Variants in GRIA4 observed in about 807,000 individuals in gnomAD.
GRIA4 encodes glutamate ionotropic receptor AMPA type subunit 4.
Under a neutral mutation model 104.0 loss-of-function variants are expected in GRIA4, and 34 were observed. The ratio of observed to expected loss-of-function variants is 0.33; its 90% CI spans 0.25 to 0.44. The LOEUF (loss-of-function observed/expected upper bound fraction) is 0.44, where lower values mean the gene tolerates loss of function less well. Ranked by LOEUF, GRIA4 falls within the 20% of genes least tolerant of loss-of-function variation. GRIA4 has a pLI of 1.00. For missense variants in GRIA4, 750 were observed against 1,096.5 expected, an observed-to-expected ratio of 0.68 and a Z score of 4.46; for synonymous variants, 386 against 381.9, an observed-to-expected ratio of 1.01 and a Z score of -0.13.
At chr11:105,637,890 G>C (rs984856044) in intron 3 of GRIA4, among the ~76,000 whole-genome samples, 3 of 152,154 alleles carry the variant, frequency 2.0e-5, no homozygotes, top group African/African-American at 7.2e-5. Flanking sequence ...TATCACCGAT[G>C]AAAAACTGGT....
chr11:105,794,489 A>ATATATG (rs1656921842), intron 4 of GRIA4, among the ~76,000 whole-genome samples: 1 of 114,066 alleles, frequency 8.8e-6, no homozygotes, highest in African/African-American at 3.6e-5. Context: ...ATATATATAT[A>ATATATG]TATATATATA....
chr11:105,858,869 A>G (rs1159808699), intron 4 of GRIA4, among the ~76,000 whole-genome samples: 1 of 152,158 alleles, frequency 6.6e-6, no homozygotes, highest in Admixed American at 6.5e-5. Flanking sequence ...TTTTCAGTAA[A>G]TTATATAGAA....
intron 14 of GRIA4, among the ~76,000 whole-genome samples, chr11:105,963,095 C>T (rs677315): frequency 0.65 from 98,348 of 151,844 alleles, 31,872 homozygotes; most frequent in Middle Eastern, 0.72. Context: ...GCTTTCTACA[C>T]CCCTCATTTA....
intron 3 of GRIA4, among the ~76,000 whole-genome samples, chr11:105,735,305 A>ACAACTCG (rs1290024657): frequency 6.6e-6 from 1 of 152,150 alleles, no homozygotes; most frequent in Non-Finnish European, 1.5e-5. Context: ...AAGTGAACAA[A>ACAACTCG]CAACTCGCTT....
In GRIA4 at chr11:105,979,818, G is replaced by A. The variant is rs757994081; in HGVS notation, c.*79G>A. The A allele has an allele frequency of 6.7e-6, 7 of 1,048,118 alleles. No homozygotes were observed. The highest frequency in any genetic ancestry group is 9.9e-6 in the Non-Finnish European group (7 of 705,984). The allele number at this position is 1,048,118 out of a possible 1,614,324, so 64.9% of individuals were successfully genotyped here. Reference sequence around the variant, plus strand: ...CGCAGCCCTGAGGGACACGCCACGCGCGGGTCTTTGCTAAACCAATCCTTT... The same window carrying A: ...CGCAGCCCTGAGGGACACGCCACGCACGGGTCTTTGCTAAACCAATCCTTT... On this transcript the variant is annotated 3_prime_UTR_variant, in exon 17 of 17. Coordinates refer to ENST00000282499, the MANE Select transcript of GRIA4 (RefSeq NM_000829.4).
At chr11:105,843,219 A>G (rs938629050) in intron 4 of GRIA4, among the ~76,000 whole-genome samples, 1 of 152,176 alleles carries the variant, frequency 6.6e-6, no homozygotes, top group Admixed American at 6.5e-5. Flanking sequence ...AATTGTCACT[A>G]TGATTCCTCC....
intron 5 of GRIA4, among the ~76,000 whole-genome samples, chr11:105,877,942 T>C (rs1296706004): frequency 3.3e-5 from 5 of 152,228 alleles, no homozygotes; most frequent in Non-Finnish European, 7.3e-5. Context: ...TGTCCAGTTT[T>C]GTTACCTTGC....
At chr11:105,728,243 A>G (rs759983687) in intron 3 of GRIA4, among the ~76,000 whole-genome samples, 11 of 152,220 alleles carry the variant, frequency 7.2e-5, no homozygotes, top group Non-Finnish European at 1.2e-4. Context: ...GATAAAACAT[A>G]TTTTAAACCA....
chr11:105,697,111 T>G (rs1424532873), intron 3 of GRIA4, among the ~76,000 whole-genome samples: 1 of 152,158 alleles, frequency 6.6e-6, no homozygotes, highest in Non-Finnish European at 1.5e-5. Context: ...TTGTTTGTAT[T>G]CTCTAGCATA....
At chr11:105,619,876 G>A (rs545180184) in intron 3 of GRIA4, among the ~76,000 whole-genome samples, 1 of 151,882 alleles carries the variant, frequency 6.6e-6, no homozygotes, top group South Asian at 2.1e-4. Context: ...TTTTAGCCTT[G>A]AAACTAACCA....
In GRIA4 at chr11:105,852,327, A is replaced by C. The variant is rs1944840552; in HGVS notation, c.488-9697A>C. On this transcript the variant is annotated intron_variant, in intron 4 of 16. Transcript: ENST00000282499. The stretch of plus-strand genomic sequence containing the variant: ...CGCAATCTACTTCCCTCAAATGAAC[A>C]GCAGCCTTATAAGTTACTCCACAGT... Among the ~76,000 whole-genome samples the C allele has an allele frequency of 2.0e-5, 3 of 152,218 alleles. No individual in the cohort carries two copies. The South Asian group carries it at 6.2e-4, about 31-fold the overall frequency.
At chr11:105,919,761 T>C (rs552767) in intron 11 of GRIA4, among the ~76,000 whole-genome samples, 26,011 of 152,132 alleles carry the variant, frequency 0.17, 2,372 homozygotes, top group Admixed American at 0.24. Context: ...ATCTGTAGCT[T>C]GTAGGAAACT....
At chr11:105,632,012 A>G (rs1951047109) in intron 3 of GRIA4, among the ~76,000 whole-genome samples, 1 of 152,174 alleles carries the variant, frequency 6.6e-6, no homozygotes, top group African/African-American at 2.4e-5. Context: ...ATGAATGAAT[A>G]GTGTTGGAGG....
intron 4 of GRIA4, among the ~76,000 whole-genome samples, chr11:105,776,473 A>G (rs774551399): frequency 1.3e-5 from 2 of 152,228 alleles, no homozygotes; most frequent in African/African-American, 2.4e-5. Flanking sequence ...GATAGTAAAC[A>G]GAGAGATTGA....
intron 4 of GRIA4, among the ~76,000 whole-genome samples, chr11:105,766,985 C>T (rs1565529772): frequency 6.6e-6 from 1 of 152,126 alleles, no homozygotes; most frequent in Non-Finnish European, 1.5e-5. Flanking sequence ...CATTTTATCT[C>T]CTTATATTCT....
chr11:105,862,457 A>G (rs1427621524), intron 5 of GRIA4: 3 of 317,620 alleles, frequency 9.4e-6, no homozygotes, highest in Non-Finnish European at 1.7e-5. Context: ...TGAGTGAAAG[A>G]CTCTGTGTGA....
At chr11:105,908,582 T>G (rs1819782743) in intron 9 of GRIA4, among the ~76,000 whole-genome samples, 1 of 151,702 alleles carries the variant, frequency 6.6e-6, no homozygotes, top group African/African-American at 2.4e-5. Context: ...TCTTTTTTTT[T>G]TTTTAACCAG....
At chr11:105,854,795 A>T (rs1944950871) in intron 4 of GRIA4, among the ~76,000 whole-genome samples, 1 of 152,156 alleles carries the variant, frequency 6.6e-6, no homozygotes, top group South Asian at 2.1e-4. Flanking sequence ...TGCTAATTTC[A>T]TCGCTCTCTC....
intron 12 of GRIA4, among the ~76,000 whole-genome samples, chr11:105,925,490 A>G (rs895382501): frequency 6.6e-6 from 1 of 152,122 alleles, no homozygotes; most frequent in Non-Finnish European, 1.5e-5. Flanking sequence ...GAAGAAAAGT[A>G]TTTACTTTAA....
Sources: allele counts gnomAD v4.1 joint callset (sites outside exome capture counted in the v4.1 genomes callset), GRCh38; gene constraint gnomAD v4.1.1; transcripts MANE v1.5; gene names NCBI Gene and HGNC (gene_info 2026-07-23, HGNC 2026-07-21).